CDH11: variants seen among roughly 807,000 people sequenced by gnomAD.
CDH11 encodes cadherin-11.
CDH11 carries 11 observed loss-of-function variants against 67.8 expected under a neutral mutation model. The observed-to-expected ratio is 0.16, with a 90% CI of 0.10 to 0.27. CDH11 has a LOEUF of 0.27. CDH11 is among the 10% of genes least tolerant of loss of function. CDH11 has a pLI of 1.00. For missense variants in CDH11, 847 were observed against 1,031.2 expected, an observed-to-expected ratio of 0.82 and a Z score of 2.45; for synonymous variants, 419 against 400.0, an observed-to-expected ratio of 1.05 and a Z score of -0.57.
At chr16:65,084,615 G>A (rs1202218296) in intron 1 of CDH11, among the ~76,000 whole-genome samples, 1 of 152,200 alleles carries the variant, frequency 6.6e-6, no homozygotes, top group Non-Finnish European at 1.5e-5. Flanking sequence ...GCAGAGTGAT[G>A]GCTTTGGGGA....
At chr16:65,064,132 G>A (rs2074274345) in intron 1 of CDH11, among the ~76,000 whole-genome samples, 1 of 152,186 alleles carries the variant, frequency 6.6e-6, no homozygotes, top group South Asian at 2.1e-4. Context: ...AGTCAAGATG[G>A]TCCTCAGAGA....
At chr16:65,035,595 A>G (rs1422423277) in intron 2 of CDH11, among the ~76,000 whole-genome samples, 1 of 152,232 alleles carries the variant, frequency 6.6e-6, no homozygotes, top group East Asian at 1.9e-4. Flanking sequence ...TTTGAATGCC[A>G]GGAGTGTGCG....
chr16:64,983,498 C>T (rs2072408739), intron 7 of CDH11, among the ~76,000 whole-genome samples: 3 of 152,140 alleles, frequency 2.0e-5, no homozygotes, highest in South Asian at 2.1e-4. Flanking sequence ...GCCTGGCAAA[C>T]GCTTATTCTG....
intron 1 of CDH11, among the ~76,000 whole-genome samples, chr16:65,102,942 T>G (rs2075016715): frequency 6.6e-6 from 1 of 152,134 alleles, no homozygotes; most frequent in South Asian, 2.1e-4. Flanking sequence ...GTCAAGGTAT[T>G]TTGGTTCTCT....
chr16:64,963,564 A>C (rs2071729555), intron 11 of CDH11, among the ~76,000 whole-genome samples: 1 of 152,204 alleles, frequency 6.6e-6, no homozygotes, highest in African/African-American at 2.4e-5. Context: ...TCTCCAAATT[A>C]ATGTCAGATA....
chr16:65,041,096 G>T (rs1298806091), intron 2 of CDH11, among the ~76,000 whole-genome samples: 1 of 152,184 alleles, frequency 6.6e-6, no homozygotes, highest in Non-Finnish European at 1.5e-5. Context: ...TGAACTTACA[G>T]CCAGCGCCAA....
In CDH11 at chr16:64,979,271, A is replaced by G. The variant is rs150847105; in HGVS notation, c.1253+2777T>C. ...TTGAGACCAGCGTGGCCAACATGGC[A>G]AAACCCTGTCTCTATTTTTTTAAAA... On this transcript the variant is annotated intron_variant, in intron 8 of 12. Coordinates refer to ENST00000268603, the MANE Select transcript of CDH11 (RefSeq NM_001797.4). Among the ~76,000 whole-genome samples, 67 of 152,254 alleles carry G rather than the reference A, an allele frequency of 4.4e-4. 1 individual carries two copies. The East Asian group carries it at 0.012, about 28-fold the overall frequency.
intron 3 of CDH11, among the ~76,000 whole-genome samples, chr16:65,002,930 C>CTTTTTTTTTTTT (rs1011429142): frequency 7.1e-6 from 1 of 140,848 alleles, no homozygotes; most frequent in Admixed American, 7.1e-5. Context: ...TTCTTTTTTT[C>CTTTTTTTTTTTT]TTTTTTTTTT....
intron 1 of CDH11, among the ~76,000 whole-genome samples, chr16:65,059,303 A>G (rs980918304): frequency 2.0e-5 from 3 of 152,216 alleles, no homozygotes; most frequent in African/African-American, 7.2e-5. Flanking sequence ...TTAGAAGAAG[A>G]CATCCATAAA....
chr16:65,026,116 T>G (rs2073529142), intron 2 of CDH11, among the ~76,000 whole-genome samples: 1 of 152,294 alleles, frequency 6.6e-6, no homozygotes, highest in South Asian at 2.1e-4. Flanking sequence ...ATTTGTTCCA[T>G]TAAACCCCTG....
intron 2 of CDH11, among the ~76,000 whole-genome samples, chr16:65,016,571 A>G (rs2073315340): frequency 6.6e-6 from 1 of 152,212 alleles, no homozygotes; most frequent in Admixed American, 6.5e-5. Flanking sequence ...CCTGACAGAA[A>G]TATCTATTGC....
intron 2 of CDH11, among the ~76,000 whole-genome samples, chr16:65,029,375 T>G (rs2073595921): frequency 6.6e-6 from 1 of 152,158 alleles, no homozygotes; most frequent in Non-Finnish European, 1.5e-5. Context: ...GTCGAACATA[T>G]TTTAAGAAGA....
At chr16:65,077,719 G>A (rs1031278261) in intron 1 of CDH11, among the ~76,000 whole-genome samples, 1 of 152,122 alleles carries the variant, frequency 6.6e-6, no homozygotes, top group African/African-American at 2.4e-5. Flanking sequence ...ACGTCATTAC[G>A]CAGCTATAGG....
At chr16:64,958,194 G>A (rs1321480835) in intron 11 of CDH11, among the ~76,000 whole-genome samples, 1 of 152,182 alleles carries the variant, frequency 6.6e-6, no homozygotes, top group Non-Finnish European at 1.5e-5. Flanking sequence ...TAGCACTGTT[G>A]TGTGTGTTGA....
chr16:65,032,779 C>T (rs1390927091), intron 2 of CDH11, among the ~76,000 whole-genome samples: 1 of 152,204 alleles, frequency 6.6e-6, no homozygotes, highest in African/African-American at 2.4e-5. Flanking sequence ...TCTTCCCATT[C>T]AGTTGCAGTG....
intron 7 of CDH11, chr16:64,983,142 T>A (rs1567507895): frequency 1.4e-5 from 1 of 73,250 alleles, no homozygotes; most frequent in Non-Finnish European, 3.9e-5. Flanking sequence ...TGCTTCTTTT[T>A]TTAAAAAAAA....
At chr16:64,970,200 A>G (rs2071965807) in intron 11 of CDH11, among the ~76,000 whole-genome samples, 1 of 152,202 alleles carries the variant, frequency 6.6e-6, no homozygotes, top group Non-Finnish European at 1.5e-5. Context: ...CATAACACCT[A>G]GGGCATTTTG....
intron 11 of CDH11, among the ~76,000 whole-genome samples, chr16:64,964,039 T>C (rs2071744997): frequency 6.6e-6 from 1 of 152,190 alleles, no homozygotes; most frequent in South Asian, 2.1e-4. Context: ...GAATAAGTGA[T>C]GAAGAAACAG....
chr16:64,988,096 A>G (rs2142480402), intron 7 of CDH11, 61 bp downstream of exon 7: 6 of 1,322,430 alleles, frequency 4.5e-6, no homozygotes, highest in Non-Finnish European at 5.1e-6. Flanking sequence ...TGTTTCTTGC[A>G]GTGTTGCCTT....
Sources: allele counts gnomAD v4.1 joint callset (sites outside exome capture counted in the v4.1 genomes callset), GRCh38; gene constraint gnomAD v4.1.1; transcripts MANE v1.5; gene names NCBI Gene and HGNC (gene_info 2026-07-23, HGNC 2026-07-21).